Variants in POU6F2 observed in about 807,000 individuals in gnomAD.
POU6F2 encodes POU class 6 homeobox 2, also known as POU domain, class 6, transcription factor 2.
In POU6F2, 31 loss-of-function variants were observed where a neutral mutation model predicts 71.3. The observed-to-expected ratio is 0.43, with a 90% CI of 0.33 to 0.59. POU6F2 has a LOEUF of 0.59. POU6F2 is among the 20% of genes least tolerant of loss of function. The pLI is 0.04. For missense variants in POU6F2, 783 were observed against 856.8 expected, an observed-to-expected ratio of 0.91 and a Z score of 1.07; for synonymous variants, 347 against 355.7, an observed-to-expected ratio of 0.98 and a Z score of 0.27.
At chr7:39,351,324 G>A (rs1157199442) in intron 5 of POU6F2, among the ~76,000 whole-genome samples, 4 of 152,104 alleles carry the variant, frequency 2.6e-5, no homozygotes, top group Non-Finnish European at 5.9e-5. Flanking sequence ...CCCCTCCCCA[G>A]ATTCACAGCC....
intron 4 of POU6F2, among the ~76,000 whole-genome samples, chr7:39,282,465 T>C (rs1357395611): frequency 6.6e-6 from 1 of 152,160 alleles, no homozygotes; most frequent in Non-Finnish European, 1.5e-5. Context: ...TTGTATGTGA[T>C]GAGAGATGGG....
intron 4 of POU6F2, among the ~76,000 whole-genome samples, chr7:39,233,641 C>A (rs1316842922): frequency 6.6e-6 from 1 of 152,124 alleles, no homozygotes; most frequent in Non-Finnish European, 1.5e-5. Context: ...TCCCAGGCTC[C>A]CTCCACATGG....
At position 39,227,748 on chromosome 7, in the gene POU6F2, G is replaced by T. The variant is rs140250952; in HGVS notation, c.598+20128G>T. On this transcript the variant is annotated intron_variant, in intron 4 of 9. Coordinates refer to ENST00000518318, the MANE Select transcript of POU6F2 (RefSeq NM_001370959.1). ...TTTGTTTTGTATTTTTAGTAGATAC[G>T]GGGTTTCACTGTGTTAGCGAGGATG... Among the ~76,000 whole-genome samples the T allele has an allele frequency of 3.8e-3, 573 of 152,042 alleles. 7 individuals carry two copies. The highest frequency in any genetic ancestry group is 0.013 in the African/African-American group (557 of 41,484).
chr7:39,321,477 G>A (rs1373050999), intron 4 of POU6F2, among the ~76,000 whole-genome samples: 1 of 152,156 alleles, frequency 6.6e-6, no homozygotes, highest in Non-Finnish European at 1.5e-5. Flanking sequence ...AAGAATATTG[G>A]GAGCTAAAAC....
intron 4 of POU6F2, among the ~76,000 whole-genome samples, chr7:39,262,735 G>GTTT (rs1347019887): frequency 7.9e-6 from 1 of 127,184 alleles, no homozygotes; most frequent in Non-Finnish European, 1.6e-5. Context: ...CATAGTTGTA[G>GTTT]TTTGTTGTTG....
At chr7:39,315,284 T>C (rs1785241767) in intron 4 of POU6F2, among the ~76,000 whole-genome samples, 1 of 152,218 alleles carries the variant, frequency 6.6e-6, no homozygotes, top group African/African-American at 2.4e-5. Context: ...GAAGTATCCA[T>C]ACTCGAGGGT....
intron 1 of POU6F2, among the ~76,000 whole-genome samples, chr7:39,060,104 A>G (rs991768698): frequency 3.3e-5 from 5 of 152,002 alleles, no homozygotes; most frequent in African/African-American, 9.7e-5. Context: ...GCTACTCGAG[A>G]GGCTGAGGCA....
chr7:39,272,789 G>C (rs1470689178), intron 4 of POU6F2, among the ~76,000 whole-genome samples: 1 of 152,170 alleles, frequency 6.6e-6, no homozygotes, highest in African/African-American at 2.4e-5. Flanking sequence ...TGACAGTATA[G>C]CTCTTTTCCC....
intron 1 of POU6F2, among the ~76,000 whole-genome samples, chr7:38,981,268 C>T (rs984617343): frequency 2.4e-4 from 37 of 152,052 alleles, no homozygotes; most frequent in Non-Finnish European, 3.8e-4. Flanking sequence ...TTTAGTGCTT[C>T]GTTTCTTTTT....
intron 4 of POU6F2, among the ~76,000 whole-genome samples, chr7:39,225,467 G>A (rs183673947): frequency 1.1e-3 from 165 of 152,286 alleles, no homozygotes; most frequent in Non-Finnish European, 1.9e-3. Flanking sequence ...AATTCTCAGT[G>A]TACTGGGGTT....
chr7:39,165,457 T>G (rs977545040), intron 2 of POU6F2, among the ~76,000 whole-genome samples: 6 of 152,220 alleles, frequency 3.9e-5, no homozygotes, highest in Non-Finnish European at 8.8e-5. Context: ...CGTTAACTAT[T>G]TTTATTGTTT....
chr7:39,284,971 C>T (rs1784626529), intron 4 of POU6F2, among the ~76,000 whole-genome samples: 2 of 152,302 alleles, frequency 1.3e-5, no homozygotes, highest in South Asian at 4.1e-4. Context: ...AGGCTTCACT[C>T]CCCGTGGACC....
intron 2 of POU6F2, among the ~76,000 whole-genome samples, chr7:39,136,413 C>A (rs1792389962): frequency 6.6e-6 from 1 of 152,114 alleles, no homozygotes; most frequent in African/African-American, 2.4e-5. Context: ...GTTACAGACA[C>A]TTCTGAGATA....
intron 4 of POU6F2, among the ~76,000 whole-genome samples, chr7:39,317,893 A>C (rs73384940): frequency 0.021 from 3,150 of 152,202 alleles, 120 homozygotes; most frequent in African/African-American, 0.072. Flanking sequence ...ATTCTCATAC[A>C]TTTGGCAGAA....
At chr7:39,006,546 A>C (rs1789076825) in intron 1 of POU6F2, among the ~76,000 whole-genome samples, 2 of 152,150 alleles carry the variant, frequency 1.3e-5, no homozygotes, top group Non-Finnish European at 1.5e-5. Context: ...CTTCAAAATT[A>C]CTTCTTTATT....
intron 2 of POU6F2, among the ~76,000 whole-genome samples, chr7:39,203,590 G>A (rs12531437): frequency 0.37 from 56,782 of 152,078 alleles, 10,925 homozygotes; most frequent in South Asian, 0.49. Context: ...TTGCTGTCCA[G>A]TAGGATTCTG....
intron 4 of POU6F2, among the ~76,000 whole-genome samples, chr7:39,297,196 T>TACATAC (rs1554339612): frequency 1.4e-5 from 2 of 139,026 alleles, no homozygotes; most frequent in African/African-American, 5.3e-5. Flanking sequence ...CACATACACA[T>TACATAC]ACACACACAC....
chr7:39,373,742 T>A (rs889799458), intron 5 of POU6F2: 4 of 324,274 alleles, frequency 1.2e-5, no homozygotes, highest in African/African-American at 2.2e-5. Flanking sequence ...ATGTTGAATT[T>A]CTTCTCAGTA....
chr7:39,403,490 G>C (rs1023669350), intron 5 of POU6F2, among the ~76,000 whole-genome samples: 6 of 152,228 alleles, frequency 3.9e-5, no homozygotes, highest in African/African-American at 9.6e-5. Context: ...TTGCTGGTTA[G>C]GTACATTGGC....
Sources: allele counts gnomAD v4.1 joint callset (sites outside exome capture counted in the v4.1 genomes callset), GRCh38; gene constraint gnomAD v4.1.1; transcripts MANE v1.5; gene names NCBI Gene and HGNC (gene_info 2026-07-23, HGNC 2026-07-21).